Variants in MBD5 observed in about 807,000 individuals in gnomAD.
MBD5 encodes the protein methyl-CpG-binding domain protein 5.
In MBD5, 13 loss-of-function variants were observed where a neutral mutation model predicts 117.3. That is an observed-to-expected ratio of 0.11 (90% CI 0.07 to 0.18). The LOEUF is 0.18. Ranked by LOEUF, MBD5 falls within the 10% of genes least tolerant of loss-of-function variation. The probability of loss-of-function intolerance (pLI) is 1.00; values close to 1 mark genes in which losing one functional copy is unlikely to be tolerated. For synonymous variants in MBD5, 727 were observed against 766.4 expected, an observed-to-expected ratio of 0.95 and a Z score of 0.85; for missense variants, 1,879 against 2,093.8, an observed-to-expected ratio of 0.90 and a Z score of 2.00.
chr2:148,246,791 T>G (rs1700347584), intron 3 of MBD5, among the ~76,000 whole-genome samples: 2 of 148,160 alleles, frequency 1.3e-5, no homozygotes, highest in Admixed American at 6.8e-5. Flanking sequence ...AAAAAAATTG[T>G]TTGCTACTGT....
chr2:148,307,674 G>A (rs1457103561), intron 3 of MBD5, among the ~76,000 whole-genome samples: 1 of 151,944 alleles, frequency 6.6e-6, no homozygotes, highest in Admixed American at 6.6e-5. Flanking sequence ...TAAGTTCTGG[G>A]ATACTTGTGC....
chr2:148,330,115 A>ACACACT (rs148068244), intron 3 of MBD5, among the ~76,000 whole-genome samples: 6 of 127,526 alleles, frequency 4.7e-5, no homozygotes, highest in Admixed American at 9.1e-5. Flanking sequence ...ACACACACAC[A>ACACACT]CACTCTACCT....
intron 4 of MBD5, among the ~76,000 whole-genome samples, chr2:148,397,922 C>T (rs1046356669): frequency 3.3e-5 from 5 of 151,706 alleles, no homozygotes; most frequent in African/African-American, 4.8e-5. Flanking sequence ...TTGTCTTTTG[C>T]GATAGTTTGC....
chr2:148,219,526 A>G (rs2106061448), intron 2 of MBD5, among the ~76,000 whole-genome samples: 1 of 152,342 alleles, frequency 6.6e-6, no homozygotes, highest in East Asian at 1.9e-4. Flanking sequence ...GACCAAAACA[A>G]TATTATACAG....
intron 3 of MBD5, among the ~76,000 whole-genome samples, chr2:148,322,159 GATAT>G (rs1425531878): frequency 6.6e-6 from 1 of 152,206 alleles, no homozygotes; most frequent in Non-Finnish European, 1.5e-5. Context: ...AGTGTAAAGT[GATAT>G]GTATTCATAA....
At chr2:148,233,729 T>A (rs1700038161) in intron 3 of MBD5, among the ~76,000 whole-genome samples, 1 of 152,144 alleles carries the variant, frequency 6.6e-6, no homozygotes, top group South Asian at 2.1e-4. Flanking sequence ...CATATATAAC[T>A]GTAAATACTA....
Position 148,483,762 on chromosome 2 carries a change from T to A in MBD5, c.3171T>A (p.Pro1057=). The change falls in exon 9 of 14, where the codon CCT becomes CCA. Residue 1057 remains proline (P), a synonymous_variant. Coordinates refer to ENST00000642680, the MANE Select transcript of MBD5 (RefSeq NM_001378120.1). ...ETLLTSPLGN[P]LPSFAGSDTT... ...TTTTAACCAGCCCCCTGGGGAACCC[T>A]TTACCAAGCTTTGCAGGCAGTGACA... 6.4e-7 allele frequency: 1 copy of A among 1,550,548 alleles called. No homozygotes were observed. Among genetic ancestry groups the A allele is most frequent in the Non-Finnish European group, 8.7e-7 (1 of 1,146,952 alleles).
At chr2:148,369,891 G>A (rs140331543) in intron 4 of MBD5, among the ~76,000 whole-genome samples, 84 of 152,238 alleles carry the variant, frequency 5.5e-4, no homozygotes, top group Non-Finnish European at 9.0e-4. Context: ...CTTAGGGGAT[G>A]TATAATAGAT....
At chr2:148,371,966 G>A (rs73015165) in intron 4 of MBD5, among the ~76,000 whole-genome samples, 1,954 of 152,190 alleles carry the variant, frequency 0.013, 52 homozygotes, top group African/African-American at 0.045. Flanking sequence ...CAAATACTGT[G>A]GTTGAGCTAA....
chr2:148,437,425 C>A (rs991120349), intron 4 of MBD5, among the ~76,000 whole-genome samples: 4 of 152,064 alleles, frequency 2.6e-5, no homozygotes, highest in African/African-American at 4.8e-5. Flanking sequence ...AAGCCACAAT[C>A]CTGAAGCCAT....
chr2:148,314,985 A>G (rs971785550), intron 3 of MBD5, among the ~76,000 whole-genome samples: 5 of 152,190 alleles, frequency 3.3e-5, no homozygotes, highest in Admixed American at 6.5e-5. Context: ...TTCATGAGAC[A>G]TTAAACAAAG....
rs1553518717 is a variant in MBD5, at chr2:148,470,113, G to A, written c.2170G>A (p.Gly724Arg). 1 of 1,613,818 alleles carries A rather than the reference G, an allele frequency of 6.2e-7. No homozygotes were observed. The highest frequency in any genetic ancestry group is 1.7e-5 in the Admixed American group (1 of 59,964). Residue 724 changes from glycine (G) to arginine (R), a missense_variant, in exon 8 of 14, where the codon GGG becomes AGG. Transcript: ENST00000642680. ...HLSSNSTPGC[G>R]ASNTALPCSA... ...GAGTAGCAATAGTACCCCGGGTTGT[G>A]GGGCCTCAAATACTGCTTTGCCTTG...
intron 1 of MBD5, among the ~76,000 whole-genome samples, chr2:148,143,383 C>T (rs376205479): frequency 7.9e-5 from 12 of 152,074 alleles, no homozygotes; most frequent in South Asian, 4.1e-4. Context: ...TAGAGACAAA[C>T]GTGGCAGAAG....
At chr2:148,185,151 A>G (rs1282701679) in intron 2 of MBD5, among the ~76,000 whole-genome samples, 2 of 152,200 alleles carry the variant, frequency 1.3e-5, no homozygotes, top group Non-Finnish European at 2.9e-5. Flanking sequence ...CAGAACTCCA[A>G]TAGTTCATTT....
At chr2:148,110,582 A>G (rs1037664514) in intron 1 of MBD5, among the ~76,000 whole-genome samples, 1 of 147,724 alleles carries the variant, frequency 6.8e-6, no homozygotes, top group African/African-American at 2.5e-5. Context: ...TCTTTTTTCT[A>G]TTTTCATCCT....
At chr2:148,372,198 A>G (rs2105370941) in intron 4 of MBD5, among the ~76,000 whole-genome samples, 1 of 152,294 alleles carries the variant, frequency 6.6e-6, no homozygotes, top group Non-Finnish European at 1.5e-5. Context: ...GATCCAAATC[A>G]CGTTATCTAA....
At chr2:148,250,818 G>A (rs891102923) in intron 3 of MBD5, among the ~76,000 whole-genome samples, 4 of 152,148 alleles carry the variant, frequency 2.6e-5, no homozygotes, top group African/African-American at 9.7e-5. Flanking sequence ...AGATGTAAAT[G>A]CCTTGCCCAA....
chr2:148,470,051 A>G lies in MBD5; in HGVS notation c.2108A>G (p.Gln703Arg), dbSNP rs1553518707. The change falls in exon 8 of 14, where the codon CAG becomes CGG. Residue 703 changes from glutamine (Q) to arginine (R), a missense_variant. This residue lies in a region of MBD5 where 1,666 missense variants were observed against 1,792.2 expected (regional missense o/e 0.93). Transcript: ENST00000642680. ...QGSFPISSMS[Q>R]LLQSMSCQSS... ...TCATTTCCCATCAGTTCAATGTCTCAGTTACTACAGTCTATGAGTTGTCAA... is the reference window on the plus strand; with the variant it reads ...TCATTTCCCATCAGTTCAATGTCTCGGTTACTACAGTCTATGAGTTGTCAA... The G allele has an allele frequency of 1.2e-6, 2 of 1,613,924 alleles. No homozygotes were observed. The highest frequency in any genetic ancestry group is 1.7e-6 in the Non-Finnish European group (2 of 1,179,896).
chr2:148,513,358 T>C lies in MBD5; in HGVS notation c.*417T>C, dbSNP rs1353503322. On this transcript the variant is annotated 3_prime_UTR_variant, in exon 14 of 14. Transcript: ENST00000642680. ...TACCTAATGCACACTTTATCTTTTA[T>C]TGTACAAAGAAATAGTGTACAAAAT... 1 of 184,864 alleles carries C rather than the reference T, an allele frequency of 5.4e-6. No homozygotes were observed. Among genetic ancestry groups the C allele is most frequent in the East Asian group, 1.3e-4 (1 of 7,488 alleles). The allele number at this position is 184,864 out of a possible 1,614,324, so 11.5% of individuals were successfully genotyped here. A position where few individuals can be genotyped will look rare whatever the true frequency, so the allele number is the denominator to read the frequency against.
Sources: allele counts gnomAD v4.1 joint callset (sites outside exome capture counted in the v4.1 genomes callset), GRCh38; gene constraint gnomAD v4.1.1; regional missense constraint gnomAD v4.1.1; transcripts MANE v1.5; gene names NCBI Gene and HGNC (gene_info 2026-07-23, HGNC 2026-07-21).